TNKS: variants seen among roughly 807,000 people sequenced by gnomAD.
TNKS encodes tankyrase.
In TNKS, 72 loss-of-function variants were observed where a neutral mutation model predicts 135.8. The observed-to-expected ratio is 0.53, with a 90% CI of 0.44 to 0.64. TNKS has a LOEUF of 0.64. TNKS is among the 30% of genes least tolerant of loss of function. The pLI is 0.00. For synonymous variants in TNKS, 849 were observed against 649.3 expected, an observed-to-expected ratio of 1.31 and a Z score of -4.68; for missense variants, 1,769 against 1,674.0, an observed-to-expected ratio of 1.06 and a Z score of -0.99.
chr8:9,700,578 C>A (rs1207755464), intron 5 of TNKS, among the ~76,000 whole-genome samples: 2 of 150,086 alleles, frequency 1.3e-5, no homozygotes, highest in African/African-American at 4.9e-5. Context: ...CACATTATTT[C>A]CCTCTGGGCT....
intron 1 of TNKS, among the ~76,000 whole-genome samples, chr8:9,576,203 C>T (rs370512670): frequency 1.1e-4 from 17 of 152,234 alleles, no homozygotes; most frequent in East Asian, 7.7e-4. Flanking sequence ...GCCCAATTCC[C>T]GAGCAAAATT....
At chr8:9,685,781 A>G (rs184682050) in intron 5 of TNKS, among the ~76,000 whole-genome samples, 1 of 152,330 alleles carries the variant, frequency 6.6e-6, no homozygotes, top group East Asian at 1.9e-4. Flanking sequence ...ACACGTGTTG[A>G]TTAAAAATTA....
chr8:9,619,553 G>GT (rs916391174), intron 3 of TNKS, among the ~76,000 whole-genome samples: 1 of 152,150 alleles, frequency 6.6e-6, no homozygotes, highest in African/African-American at 2.4e-5. Context: ...TGTATTTAGG[G>GT]TTAAGGGGAT....
At chr8:9,570,784 T>C (rs1344032554) in intron 1 of TNKS, among the ~76,000 whole-genome samples, 1 of 152,096 alleles carries the variant, frequency 6.6e-6, no homozygotes, top group Non-Finnish European at 1.5e-5. Flanking sequence ...ATTCTCAGGG[T>C]ATGCTCAGGC....
rs771408886 is a variant in TNKS at position 9,778,860 on chromosome 8, C to A, written c.*2124C>A. On this transcript the variant is annotated 3_prime_UTR_variant, in exon 27 of 27. Transcript: ENST00000310430. ...GTTAATATGATATAGATATGGAAAG[C>A]TTTATGGCTTCATTAAAAAGATAAA... 4 of 152,114 alleles carry A rather than the reference C, an allele frequency of 2.6e-5. No individual in the cohort carries two copies. The highest frequency in any genetic ancestry group is 4.4e-5 in the Non-Finnish European group (3 of 68,016). 9.4% of individuals were successfully genotyped at this position (152,114 alleles called of 1,614,324 possible).
chr8:9,583,721 T>A (rs1032866387), intron 2 of TNKS, among the ~76,000 whole-genome samples: 1 of 151,992 alleles, frequency 6.6e-6, no homozygotes, highest in Admixed American at 6.5e-5. Flanking sequence ...TCTCTTGACC[T>A]TGTGATCCGC....
intron 20 of TNKS, among the ~76,000 whole-genome samples, chr8:9,753,223 GTTGT>G (rs891209839): frequency 5.9e-5 from 9 of 152,034 alleles, no homozygotes; most frequent in African/African-American, 9.7e-5. Context: ...ATTGTCCTTG[GTTGT>G]TTGTTTCCGA....
At chr8:9,589,138 C>T (rs1220824495) in intron 2 of TNKS, among the ~76,000 whole-genome samples, 3 of 152,138 alleles carry the variant, frequency 2.0e-5, no homozygotes, top group Non-Finnish European at 4.4e-5. Flanking sequence ...AGAGATTTTG[C>T]TCAGTGAGAA....
At chr8:9,719,138 G>C (rs2128812149) in intron 11 of TNKS, among the ~76,000 whole-genome samples, 1 of 152,210 alleles carries the variant, frequency 6.6e-6, no homozygotes, top group East Asian at 1.9e-4. Flanking sequence ...TTTTCTTCTG[G>C]CAAATGTGAT....
At chr8:9,723,963 A>G (rs1805034281) in intron 12 of TNKS, among the ~76,000 whole-genome samples, 1 of 152,200 alleles carries the variant, frequency 6.6e-6, no homozygotes, top group East Asian at 1.9e-4. Context: ...TGGCACATTG[A>G]AATAAGCCAT....
intron 16 of TNKS, 145 bp from the exon 17 acceptor site, chr8:9,735,232 G>A: frequency 1.9e-6 from 2 of 1,074,016 alleles, no homozygotes; most frequent in Non-Finnish European, 2.7e-6. Flanking sequence ...TTCTTATTGT[G>A]AAGTCCCTCC....
At position 9,781,250 on chromosome 8, in the gene TNKS, G is replaced by C. The variant is rs1253923578; in HGVS notation, c.*4514G>C. Reference sequence around the variant, plus strand: ...GCCCTACCTCCCATCCTTTCAAAGAGGTTTCTTTCACGTTCCAGAATTCAG... The same window carrying C: ...GCCCTACCTCCCATCCTTTCAAAGACGTTTCTTTCACGTTCCAGAATTCAG... On this transcript the variant is annotated 3_prime_UTR_variant, in exon 27 of 27. Coordinates refer to ENST00000310430, the MANE Select transcript of TNKS (RefSeq NM_003747.3). The C allele has an allele frequency of 6.6e-6, 1 of 152,072 alleles. No homozygotes were observed. The allele number at this position is 152,072 out of a possible 1,614,324, so 9.4% of individuals were successfully genotyped here.
At chr8:9,759,080 A>C (rs1807004549) in intron 20 of TNKS, among the ~76,000 whole-genome samples, 1 of 152,202 alleles carries the variant, frequency 6.6e-6, no homozygotes, top group Non-Finnish European at 1.5e-5. Context: ...CAAAGCCAGC[A>C]AGAGAAAGAT....
In TNKS at chr8:9,620,676, A is replaced by G. The variant is rs140770156; in HGVS notation, c.994+4999A>G. On this transcript the variant is annotated intron_variant, in intron 3 of 26. Transcript: ENST00000310430. ...CTGCCCCTCAAGCAGATGAAACCTT[A>G]TTCTGTGTCTGGGCTAACATAAGCT... Among the ~76,000 whole-genome samples, 239 of 152,236 alleles carry G rather than the reference A, an allele frequency of 1.6e-3. 1 individual carries two copies. Among genetic ancestry groups the G allele is most frequent in the African/African-American group, 5.6e-3 (234 of 41,544 alleles).
intron 3 of TNKS, among the ~76,000 whole-genome samples, chr8:9,641,597 A>G (rs1444177085): frequency 1.4e-5 from 2 of 145,660 alleles, no homozygotes; most frequent in African/African-American, 5.1e-5. Flanking sequence ...CTCTAGTGCC[A>G]TTGAGTATTT....
At chr8:9,681,210 T>G (rs1256395339) in intron 5 of TNKS, 1 of 154,144 alleles carries the variant, frequency 6.5e-6, no homozygotes, top group Admixed American at 6.5e-5. Flanking sequence ...ACCAACACTT[T>G]TTCCATTAAA....
chr8:9,628,331 T>C (rs1212754370), intron 3 of TNKS, among the ~76,000 whole-genome samples: 1 of 152,208 alleles, frequency 6.6e-6, no homozygotes, highest in Admixed American at 6.5e-5. Flanking sequence ...CTAACGACTG[T>C]ACTAAAATGC....
chr8:9,556,621 C>A lies in TNKS; in HGVS notation c.673+9C>A, dbSNP rs1419465519. The A allele has an allele frequency of 1.2e-6, 2 of 1,612,940 alleles. No individual in the cohort carries two copies. The highest frequency in any genetic ancestry group is 1.7e-6 in the Non-Finnish European group (2 of 1,180,016). On this transcript the variant is annotated intron_variant, in intron 1 of 26. Transcript: ENST00000310430. ...CCTGCACTTCGCTGCAGGTCAGAGACTTTTGAATTGTTTATTAAGGGTTAT... is the reference window on the plus strand; with the variant it reads ...CCTGCACTTCGCTGCAGGTCAGAGAATTTTGAATTGTTTATTAAGGGTTAT...
At chr8:9,656,767 G>A (rs1387945382) in intron 3 of TNKS, among the ~76,000 whole-genome samples, 2 of 151,170 alleles carry the variant, frequency 1.3e-5, no homozygotes, top group African/African-American at 4.9e-5. Flanking sequence ...GGACCCCACG[G>A]CCTTCCGCAG....
Sources: allele counts gnomAD v4.1 joint callset (sites outside exome capture counted in the v4.1 genomes callset), GRCh38; gene constraint gnomAD v4.1.1; transcripts MANE v1.5; gene names NCBI Gene and HGNC (gene_info 2026-07-23, HGNC 2026-07-21).